CNTN5: variants seen among roughly 807,000 people sequenced by gnomAD.
CNTN5 encodes contactin-5.
CNTN5 carries 77 observed loss-of-function variants against 129.1 expected under a neutral mutation model. That is an observed-to-expected ratio of 0.60 (90% confidence interval 0.50 to 0.72). CNTN5 has a LOEUF of 0.72. Ranked by LOEUF, CNTN5 falls within the 30% of genes least tolerant of loss-of-function variation. CNTN5 has a pLI of 0.00. For synonymous variants in CNTN5, 509 were observed against 465.6 expected (o/e 1.09, Z -1.20); for missense variants, 1,478 against 1,328.8 (o/e 1.11, Z -1.75).
At chr11:100,043,952 G>A (rs1942511876) in intron 9 of CNTN5, among the ~76,000 whole-genome samples, 2 of 151,970 alleles carry the variant, frequency 1.3e-5, no homozygotes, top group African/African-American at 2.4e-5. Flanking sequence ...TATATATTGT[G>A]TAGTGGTGAA....
In CNTN5 at chr11:99,471,636, G is replaced by GTT. The variant is rs112394091; in HGVS notation, c.-70-84500_-70-84499dup. On this transcript the variant is annotated intron_variant, in intron 2 of 24. Coordinates refer to ENST00000524871, the MANE Select transcript of CNTN5 (RefSeq NM_014361.4). ...TGGAGATGAGATACTTACTTCATGT[G>GTT]TTTTTTTTTTCCTGAGGATTATACT... Among the ~76,000 whole-genome samples, 1,277 of 149,492 alleles carry GTT rather than the reference G, an allele frequency of 8.5e-3. 11 individuals are homozygous for GTT. Among genetic ancestry groups the GTT allele is most frequent in the Middle Eastern group, 0.024 (7 of 288 alleles).
intron 1 of CNTN5, among the ~76,000 whole-genome samples, chr11:99,057,600 A>G (rs983551802): frequency 6.6e-6 from 1 of 152,094 alleles, no homozygotes; most frequent in Non-Finnish European, 1.5e-5. Flanking sequence ...AAAACTTTTA[A>G]TTATGATCTT....
rs541283030 is a variant in CNTN5, at chr11:100,331,179, G to A, written c.2731-9284G>A. ...TGGATATCAAAAGTGAGCAGGAGTA[G>A]ATATTCTTATATCAGACAAAACAAA... is the stretch of plus-strand genomic sequence containing the variant. On this transcript the variant is annotated intron_variant, in intron 21 of 24. Coordinates refer to ENST00000524871, the MANE Select transcript of CNTN5 (RefSeq NM_014361.4). 7.9e-5 allele frequency among the ~76,000 whole-genome samples: 12 copies of A among 152,214 alleles called. No individual in the cohort carries two copies. The East Asian group carries it at 2.1e-3, about 27-fold the overall frequency.
At chr11:99,819,961 G>A (rs1946745027) in intron 4 of CNTN5, among the ~76,000 whole-genome samples, 196 bp downstream of exon 4, 1 of 152,184 alleles carries the variant, frequency 6.6e-6, no homozygotes, top group Admixed American at 6.5e-5. Flanking sequence ...GGGAGATACT[G>A]GTAAATGTGA....
At chr11:99,785,764 T>G (rs1030736061) in intron 3 of CNTN5, among the ~76,000 whole-genome samples, 37 of 152,230 alleles carry the variant, frequency 2.4e-4, no homozygotes, top group African/African-American at 8.2e-4. Context: ...CGCCTGATTT[T>G]CTCAATAGAT....
intron 7 of CNTN5, among the ~76,000 whole-genome samples, chr11:99,942,848 G>T (rs988719019): frequency 1.3e-5 from 2 of 151,980 alleles, no homozygotes; most frequent in Admixed American, 6.6e-5. Flanking sequence ...CCCTACAAAG[G>T]ACATGAACTC....
chr11:100,099,153 G>A (rs1467397902), intron 13 of CNTN5, among the ~76,000 whole-genome samples: 1 of 151,998 alleles, frequency 6.6e-6, no homozygotes, highest in African/African-American at 2.4e-5. Flanking sequence ...AATTACCTTG[G>A]TTATACTTAA....
chr11:99,453,706 C>T (rs1198607441), intron 2 of CNTN5, among the ~76,000 whole-genome samples: 2 of 152,008 alleles, frequency 1.3e-5, no homozygotes, highest in East Asian at 3.9e-4. Flanking sequence ...AGTTTGTGTC[C>T]TTAGGTTCCT....
chr11:99,712,056 C>T (rs919293962), intron 3 of CNTN5, among the ~76,000 whole-genome samples: 1 of 152,046 alleles, frequency 6.6e-6, no homozygotes, highest in African/African-American at 2.4e-5. Flanking sequence ...GGAATCACCA[C>T]ACTGTCTTCC....
intron 1 of CNTN5, among the ~76,000 whole-genome samples, chr11:99,158,777 T>C (rs1233807838): frequency 3.9e-5 from 6 of 152,170 alleles, no homozygotes; most frequent in African/African-American, 7.2e-5. Context: ...ATATCTTGTG[T>C]AATTCTGTTT....
At chr11:100,081,361 C>T (rs1393166247) in intron 13 of CNTN5, among the ~76,000 whole-genome samples, 2 of 152,036 alleles carry the variant, frequency 1.3e-5, no homozygotes, top group Non-Finnish European at 2.9e-5. Flanking sequence ...GAAAGCTAGA[C>T]CTCTGAAACT....
At chr11:99,787,533 C>T (rs1945577505) in intron 3 of CNTN5, among the ~76,000 whole-genome samples, 1 of 150,630 alleles carries the variant, frequency 6.6e-6, no homozygotes, top group Non-Finnish European at 1.5e-5. Context: ...AAAAAAATGG[C>T]CAAGGAATGA....
At chr11:99,653,257 C>A (rs942872568) in intron 3 of CNTN5, among the ~76,000 whole-genome samples, 1 of 151,932 alleles carries the variant, frequency 6.6e-6, no homozygotes, top group Admixed American at 6.6e-5. Context: ...AGAATTGTCT[C>A]TTTCATTTTC....
intron 7 of CNTN5, among the ~76,000 whole-genome samples, chr11:99,939,296 TG>T (rs1179755117): frequency 6.6e-6 from 1 of 152,116 alleles, no homozygotes; most frequent in African/African-American, 2.4e-5. Context: ...CCCATTATCT[TG>T]AAGTAATTTA....
chr11:100,201,659 C>T (rs1948780893), intron 15 of CNTN5, among the ~76,000 whole-genome samples: 1 of 151,958 alleles, frequency 6.6e-6, no homozygotes. Context: ...ATTCATATTA[C>T]TCGTGAGCCT....
At chr11:100,135,883 G>T (rs911981121) in intron 13 of CNTN5, among the ~76,000 whole-genome samples, 1 of 151,966 alleles carries the variant, frequency 6.6e-6, no homozygotes, top group Non-Finnish European at 1.5e-5. Context: ...TTAAATGATG[G>T]TCCATCATCT....
At chr11:99,215,826 G>T (rs547914265) in intron 1 of CNTN5, among the ~76,000 whole-genome samples, 3 of 152,234 alleles carry the variant, frequency 2.0e-5, no homozygotes, top group Non-Finnish European at 4.4e-5. Context: ...TTCAAAGGCA[G>T]GTTCTGAAAA....
At chr11:100,058,142 A>T (rs1943310988) in intron 9 of CNTN5, among the ~76,000 whole-genome samples, 1 of 152,136 alleles carries the variant, frequency 6.6e-6, no homozygotes. Context: ...TTGAAATTAT[A>T]GATAAAATAG....
chr11:99,238,986 T>A (rs1357222247), intron 1 of CNTN5, among the ~76,000 whole-genome samples: 1 of 151,956 alleles, frequency 6.6e-6, no homozygotes, highest in African/African-American at 2.4e-5. Context: ...AGATATAACT[T>A]TTTGACTCTA....
Sources: gnomAD v4.1 joint callset for allele counts (sites outside exome capture counted in the v4.1 genomes callset) on GRCh38, gnomAD v4.1.1 for gene constraint, MANE v1.5 for transcripts, NCBI Gene and HGNC (gene_info 2026-07-23, HGNC 2026-07-21) for gene names.